GPR22: variants seen among roughly 807,000 people sequenced by gnomAD.
The protein encoded by GPR22 is G protein-coupled receptor 22, also known as G-protein coupled receptor 22.
A neutral mutation model predicts 31.0 loss-of-function variants in GPR22; 13 were observed. That is an observed-to-expected ratio of 0.42 (90% CI 0.27 to 0.67). GPR22 has a LOEUF of 0.67. Among genes scored for constraint, GPR22 ranks in the 30% least tolerant of loss-of-function variants. GPR22 has a pLI of 0.25. For synonymous variants in GPR22, 191 were observed against 173.4 expected (o/e 1.10, Z -0.80); for missense variants, 368 against 509.6 (o/e 0.72, Z 2.67).
rs1796542742 is a variant in GPR22 at position 107,470,060 on chromosome 7, A to C, written c.-1343A>C. On this transcript the variant is annotated 5_prime_UTR_variant, in exon 1 of 3. Transcript: ENST00000304402. ...GAGAGAAGCGACAAGGTAGGCTGTC[A>C]TTCTGCAAAAGCTGCCCGAACAGGC... The C allele has an allele frequency of 6.6e-6, 1 of 152,212 alleles. No homozygotes were observed. The highest frequency in any genetic ancestry group is 1.5e-5 in the Non-Finnish European group (1 of 68,046). The allele number at this position is 152,212 out of a possible 1,614,324, so 9.4% of individuals were successfully genotyped here. A position where few individuals can be genotyped will look rare whatever the true frequency, so the allele number is the denominator to read the frequency against.
chr7:107,471,182 C>T (rs964249644), intron 1 of GPR22, among the ~76,000 whole-genome samples, 190 bp from the exon 2 acceptor site: 2 of 151,932 alleles, frequency 1.3e-5, no homozygotes, highest in South Asian at 4.1e-4. Flanking sequence ...ATAATATATA[C>T]AATCTTTATT....
At chr7:107,477,729 T>G (rs1310366500), downstream of GPR22, among the ~76,000 whole-genome samples, 2 of 151,890 alleles carry the variant, frequency 1.3e-5, no homozygotes. Flanking sequence ...GTGTTAAAAA[T>G]TTAGCTTCAA....
downstream of GPR22, among the ~76,000 whole-genome samples, chr7:107,477,548 T>G (rs1311399382): frequency 6.6e-6 from 1 of 151,852 alleles, no homozygotes; most frequent in Non-Finnish European, 1.5e-5. Context: ...ATTTCTATAC[T>G]TGACACTGAA....
chr7:107,475,266 C>T lies in GPR22; in HGVS notation c.1206C>T (p.His402=). The part of the protein sequence containing the change: ...ADPLPNNAVI[H]NSWIDPKRNK... ...CCCTGCCTAATAATGCTGTAATACA[C>T]AACTCTTGGATAGATCCTAAAAGAA... The change falls in exon 3 of 3, where the codon CAC becomes CAT. Residue 402 remains histidine, a synonymous_variant. Transcript: ENST00000304402. 6.2e-7 allele frequency: 1 copy of T among 1,603,554 alleles called. No homozygotes were observed. The highest frequency in any genetic ancestry group is 8.5e-7 in the Non-Finnish European group (1 of 1,171,190).
rs572955275 is a variant in GPR22, at chr7:107,471,001, G to A, written c.-957-371G>A. 2.0e-5 allele frequency among the ~76,000 whole-genome samples: 3 copies of A among 152,010 alleles called. No individual in the cohort carries two copies. The South Asian group carries it at 6.2e-4, about 32-fold the overall frequency. ...TTACAATATTTTTAGAGCAAAAAATGTTGTTAAATTTATTACAAAGAAGAA... is the reference window on the plus strand; with the variant it reads ...TTACAATATTTTTAGAGCAAAAAATATTGTTAAATTTATTACAAAGAAGAA... On this transcript the variant is annotated intron_variant, in intron 1 of 2. Coordinates refer to ENST00000304402, the MANE Select transcript of GPR22 (RefSeq NM_005295.3).
At chr7:107,473,997 G>T (rs980170234) in intron 2 of GPR22, 38 bp from the exon 3 acceptor site, 5 of 801,306 alleles carry the variant, frequency 6.2e-6, no homozygotes, top group South Asian at 3.8e-5. Context: ...CATTTAAATT[G>T]CCAAATATCA....
Position 107,475,327 on chromosome 7 carries a change from G to A in GPR22, c.1267G>A (p.Glu423Lys), listed in dbSNP as rs1471987471. The A allele has an allele frequency of 6.4e-7, 1 of 1,565,010 alleles. No individual in the cohort carries two copies. The highest frequency in any genetic ancestry group is 2.0e-5 in the Admixed American group (1 of 49,262). ...TACCTTTGAAGATAGTGAAATAAGA[G>A]AAAAATGTTTAGTGCCTCAGGTTGT... ...KITFEDSEIREKCLVPQVVTD is the reference protein window; with the variant it reads ...KITFEDSEIRKKCLVPQVVTD The change falls in exon 3 of 3, where the codon GAA becomes AAA. Residue 423 changes from glutamate (E) to lysine (K), a missense_variant. Glu to Lys is a moderately conservative substitution (Grantham distance 56, BLOSUM62 1). Coordinates refer to ENST00000304402, the MANE Select transcript of GPR22 (RefSeq NM_005295.3).
downstream of GPR22, among the ~76,000 whole-genome samples, chr7:107,477,023 C>G (rs576033594): frequency 1.8e-4 from 28 of 151,684 alleles, no homozygotes; most frequent in South Asian, 5.8e-3. Flanking sequence ...GTCTTATTTT[C>G]TACTGTTTTT....
At chr7:107,475,914 A>C (rs951838573), downstream of GPR22, among the ~76,000 whole-genome samples, 30 of 151,450 alleles carry the variant, frequency 2.0e-4, no homozygotes, top group African/African-American at 7.3e-4. Flanking sequence ...TTATTCTTTT[A>C]AATGTAAAAA....
At position 107,474,024 on chromosome 7, in the gene GPR22, T is replaced by C; in HGVS notation, c.-26-11T>C. On this transcript the variant is annotated splice_polypyrimidine_tract_variant and intron_variant, in intron 2 of 2. Transcript: ENST00000304402. The surrounding 1 kb of genome is among the most constrained non-coding windows in gnomAD (Gnocchi z 5.7). ...CAAATATCAAATAGTTTATTCTATT[T>C]CACTTTCTAGGGAAAAAAACCAACT... The C allele has an allele frequency of 9.2e-7, 1 of 1,087,718 alleles. No individual in the cohort carries two copies. 67.4% of individuals were successfully genotyped at this position (1,087,718 alleles called of 1,614,324 possible).
Position 107,475,269 on chromosome 7 carries a change from C to G in GPR22, c.1209C>G (p.Asn403Lys). The G allele has an allele frequency of 6.2e-7, 1 of 1,600,190 alleles. No individual in the cohort carries two copies. The highest frequency in any genetic ancestry group is 1.1e-5 in the South Asian group (1 of 89,516). ...TGCCTAATAATGCTGTAATACACAA[C>G]TCTTGGATAGATCCTAAAAGAAACA... ...DPLPNNAVIH[N>K]SWIDPKRNKK... The change falls in exon 3 of 3, where the codon AAC becomes AAG. Residue 403 changes from asparagine to lysine, a missense_variant. Coordinates refer to ENST00000304402, the MANE Select transcript of GPR22 (RefSeq NM_005295.3).
intron 2 of GPR22, chr7:107,472,677 A>T (rs1796709708): frequency 6.6e-6 from 1 of 151,978 alleles, no homozygotes; most frequent in Non-Finnish European, 1.5e-5. Flanking sequence ...CTTCATACTA[A>T]TTCAAAAGAA....
downstream of GPR22, among the ~76,000 whole-genome samples, chr7:107,476,884 T>A (rs1393847881): frequency 6.6e-6 from 1 of 151,646 alleles, no homozygotes; most frequent in Non-Finnish European, 1.5e-5. Flanking sequence ...AATACCCTAA[T>A]CCTTGGAGAA....
In GPR22 at chr7:107,472,142, C is replaced by G. The variant is rs1039753855; in HGVS notation, c.-187C>G. On this transcript the variant is annotated 5_prime_UTR_variant, in exon 2 of 3. Coordinates refer to ENST00000304402, the MANE Select transcript of GPR22 (RefSeq NM_005295.3). ...ATCATCTGAGGAAATTCCTCTTGGC[C>G]GTGACTTTTTAAAGCAAAACAAATA... 1 of 151,876 alleles carries G rather than the reference C, an allele frequency of 6.6e-6. No individual in the cohort carries two copies. The highest frequency in any genetic ancestry group is 2.4e-5 in the African/African-American group (1 of 41,380). 9.4% of individuals were successfully genotyped at this position (151,876 alleles called of 1,614,324 possible).
chr7:107,473,529 A>C (rs996004926), intron 2 of GPR22, among the ~76,000 whole-genome samples: 1 of 151,902 alleles, frequency 6.6e-6, no homozygotes, highest in South Asian at 2.1e-4. Context: ...AGCATCTTAA[A>C]CTAGTGCTCT....
chr7:107,470,638 A>G (rs1796579959), intron 1 of GPR22, among the ~76,000 whole-genome samples, 193 bp downstream of exon 1: 1 of 152,124 alleles, frequency 6.6e-6, no homozygotes, highest in African/African-American at 2.4e-5. Context: ...GCATTGTTAA[A>G]TACAAATATT....
At chr7:107,472,829 AAT>A (rs1310543276) in intron 2 of GPR22, 3 of 151,928 alleles carry the variant, frequency 2.0e-5, no homozygotes, top group African/African-American at 4.8e-5. Flanking sequence ...ATTTATGTTG[AAT>A]ATGATTTTGC....
At chr7:107,476,184 T>TAAAAAAAAAAAAAA (rs34741713), downstream of GPR22, among the ~76,000 whole-genome samples, 2 of 44,052 alleles carry the variant, frequency 4.5e-5, no homozygotes, top group African/African-American at 1.0e-4. Flanking sequence ...GCAATGATTT[T>TAAAAAAAAAAAAAA]AAAAAAAAAA....
intron 1 of GPR22, among the ~76,000 whole-genome samples, chr7:107,470,812 A>G (rs1348296943): frequency 6.6e-6 from 1 of 152,038 alleles, no homozygotes; most frequent in Non-Finnish European, 1.5e-5. Context: ...TTTTATGTTA[A>G]GTTTATTATT....
Sources: gnomAD v4.1 joint callset for allele counts (sites outside exome capture counted in the v4.1 genomes callset) on GRCh38, gnomAD v4.1.1 for gene constraint, Gnocchi (gnomAD v3.1) non-coding constraint, MANE v1.5 for transcripts, NCBI Gene and HGNC (gene_info 2026-07-23, HGNC 2026-07-21) for gene names.